Variants in SLIT2 observed in about 807,000 individuals in gnomAD.
The protein encoded by SLIT2 is slit guidance ligand 2.
In SLIT2, 41 loss-of-function variants were observed where a neutral mutation model predicts 185.7. The ratio of observed to expected loss-of-function variants is 0.22; its 90% CI spans 0.17 to 0.29. The LOEUF is 0.29. SLIT2 is among the 10% of genes least tolerant of loss of function. SLIT2 has a pLI of 1.00. For synonymous variants in SLIT2, 693 were observed against 680.2 expected, an observed-to-expected ratio of 1.02 and a Z score of -0.29; for missense variants, 1,571 against 1,909.0, an observed-to-expected ratio of 0.82 and a Z score of 3.30.
intron 4 of SLIT2, among the ~76,000 whole-genome samples, chr4:20,390,904 C>T (rs1238075527): frequency 1.3e-5 from 2 of 151,708 alleles, no homozygotes; most frequent in Non-Finnish European, 2.9e-5. Context: ...TTTGAAAGTT[C>T]ATGATTACTT....
At chr4:20,430,285 A>T (rs566986590) in intron 4 of SLIT2, among the ~76,000 whole-genome samples, 9 of 152,294 alleles carry the variant, frequency 5.9e-5, no homozygotes, top group Non-Finnish European at 1.2e-4. Flanking sequence ...AGCTATGTGA[A>T]TTTGGTCCTA....
At chr4:20,407,623 A>G (rs1422961420) in intron 4 of SLIT2, among the ~76,000 whole-genome samples, 4 of 152,198 alleles carry the variant, frequency 2.6e-5, no homozygotes, top group South Asian at 2.1e-4. Flanking sequence ...AGCAAACTCA[A>G]TTGGCAGGAA....
rs148836744 is a variant in SLIT2, at chr4:20,257,503, T to C, written c.252-365T>C. Among the ~76,000 whole-genome samples the C allele has an allele frequency of 3.5e-4, 53 of 152,168 alleles. 1 individual carries two copies. The East Asian group carries it at 0.01, about 29-fold the overall frequency. ...GTATCCATGTCAGAATTGAAGTATGTATATGATGAATTACTGTATTTTGAT... is the reference window on the plus strand; with the variant it reads ...GTATCCATGTCAGAATTGAAGTATGCATATGATGAATTACTGTATTTTGAT... On this transcript the variant is annotated intron_variant, in intron 2 of 36. Coordinates refer to ENST00000504154, the MANE Select transcript of SLIT2 (RefSeq NM_004787.4).
intron 4 of SLIT2, among the ~76,000 whole-genome samples, chr4:20,341,450 AT>A (rs906255524): frequency 2.0e-5 from 3 of 152,216 alleles, no homozygotes; most frequent in African/African-American, 7.2e-5. Context: ...CTTCAAGGGC[AT>A]TTTAAATAGA....
rs1189145945 is a variant in SLIT2, at chr4:20,351,877, T to G, written c.395+82996T>G. Reference sequence around the variant, plus strand: ...CTATAAATGACAATGCAGTTTGTGTTTTGATGATTGTCTCTCTGATGGGGG... The same window carrying G: ...CTATAAATGACAATGCAGTTTGTGTGTTGATGATTGTCTCTCTGATGGGGG... On this transcript the variant is annotated intron_variant, in intron 4 of 36. Transcript: ENST00000504154. Among the ~76,000 whole-genome samples, 3 of 152,206 alleles carry G rather than the reference T, an allele frequency of 2.0e-5. No homozygotes were observed. In the East Asian group the frequency reaches 5.8e-4, roughly 29 times the overall value.
At chr4:20,317,287 A>G (rs1346046889) in intron 4 of SLIT2, among the ~76,000 whole-genome samples, 1 of 151,688 alleles carries the variant, frequency 6.6e-6, no homozygotes, top group Non-Finnish European at 1.5e-5. Flanking sequence ...TGTTGAACTC[A>G]TATTTGTTAA....
intron 4 of SLIT2, among the ~76,000 whole-genome samples, chr4:20,422,917 T>G (rs974144266): frequency 6.6e-6 from 1 of 151,970 alleles, no homozygotes; most frequent in African/African-American, 2.4e-5. Context: ...CTTTAGCCAC[T>G]CTATTTAAAA....
chr4:20,360,787 TA>T (rs1351343142), intron 4 of SLIT2, among the ~76,000 whole-genome samples: 68 of 152,250 alleles, frequency 4.5e-4, no homozygotes, highest in Non-Finnish European at 5.9e-5. Flanking sequence ...TGTAAGAGAT[TA>T]TTTTTTAAAA....
Position 20,345,053 on chromosome 4 carries a change from ATAAGT to A in SLIT2, c.395+76175_395+76179del, listed in dbSNP as rs531049063. Among the ~76,000 whole-genome samples the A allele has an allele frequency of 7.2e-5, 11 of 152,240 alleles. No homozygotes were observed. In the South Asian group the frequency reaches 2.3e-3, roughly 32 times the overall value. On this transcript the variant is annotated intron_variant, in intron 4 of 36. Transcript: ENST00000504154. ...CCATTAATTATTGATAGTAAAATAC[ATAAGT>A]TATGTGGATAGAATTAAACTAATAT...
intron 29 of SLIT2, among the ~76,000 whole-genome samples, chr4:20,575,596 TC>T (rs2148926447): frequency 6.6e-6 from 1 of 152,292 alleles, no homozygotes; most frequent in Non-Finnish European, 1.5e-5. Context: ...CTGGAGCCTG[TC>T]CCTTCTGCCT....
rs1320121564 is a variant in SLIT2, at chr4:20,528,429, T to C, written c.1463-520T>C. On this transcript the variant is annotated intron_variant, in intron 15 of 36. Transcript: ENST00000504154. The surrounding 1 kb of genome is among the most constrained non-coding windows in gnomAD (Gnocchi z 4.2). ...CTTAAATCAGGATTTTCCTGTCTCTTTCTACAAAATCAAAATGAAAAAAGA... is the reference window on the plus strand; with the variant it reads ...CTTAAATCAGGATTTTCCTGTCTCTCTCTACAAAATCAAAATGAAAAAAGA... The C allele has an allele frequency of 2.0e-6, 1 of 496,596 alleles. No individual in the cohort carries two copies. The highest frequency in any genetic ancestry group is 1.5e-5 in the South Asian group (1 of 66,796). 30.8% of individuals were successfully genotyped at this position (496,596 alleles called of 1,614,324 possible).
At position 20,271,167 on chromosome 4, in the gene SLIT2, A is replaced by G. The variant is rs577682860; in HGVS notation, c.395+2286A>G. On this transcript the variant is annotated intron_variant, in intron 4 of 36. Transcript: ENST00000504154. ...CAGATGGGAAAATGTGCACAAACCT[A>G]TATGCACAACATCCTTTATAATGCT... 2.0e-5 allele frequency among the ~76,000 whole-genome samples: 3 copies of G among 151,974 alleles called. No individual in the cohort carries two copies. The South Asian group carries it at 6.2e-4, about 31-fold the overall frequency.
At chr4:20,276,151 A>G (rs1714149072) in intron 4 of SLIT2, among the ~76,000 whole-genome samples, 1 of 152,160 alleles carries the variant, frequency 6.6e-6, no homozygotes, top group Admixed American at 6.5e-5. Context: ...TCCAGTAAAA[A>G]TTGCAAATCT....
chr4:20,566,461 A>AATAAGT (rs1165849463), intron 26 of SLIT2, among the ~76,000 whole-genome samples: 8 of 152,084 alleles, frequency 5.3e-5, no homozygotes, highest in Non-Finnish European at 8.8e-5. Flanking sequence ...TCATTTGTCC[A>AATAAGT]ATAAGTATTT....
chr4:20,519,345 G>A, intron 11 of SLIT2, 37 bp from the exon 12 acceptor site: 2 of 1,001,280 alleles, frequency 2.0e-6, no homozygotes, highest in East Asian at 2.4e-5. Context: ...ATGCAGGTTT[G>A]GTGTCTAATT....
At position 20,567,679 on chromosome 4, in the gene SLIT2, T is replaced by TA. The variant is rs1433598043; in HGVS notation, c.2948+65dup. Reference sequence around the variant, plus strand: ...TGGAGCAAAGATAACTAAGCCAACATACATTTTCCTTTTCAAATCAAAGGA... The same window carrying TA: ...TGGAGCAAAGATAACTAAGCCAACATAACATTTTCCTTTTCAAATCAAAGGA... On this transcript the variant is annotated intron_variant, in intron 28 of 36. Transcript: ENST00000504154. 3 of 1,246,140 alleles carry TA rather than the reference T, an allele frequency of 2.4e-6. No homozygotes were observed. In the Admixed American group the frequency reaches 5.2e-5, roughly 22 times the overall value. The allele number at this position is 1,246,140 out of a possible 1,614,324, so 77.2% of individuals were successfully genotyped here.
intron 11 of SLIT2, among the ~76,000 whole-genome samples, chr4:20,513,734 GT>G: frequency 6.6e-6 from 1 of 151,270 alleles, no homozygotes. Context: ...GATAGCTGTG[GT>G]TGGCGGGGGG....
intron 4 of SLIT2, among the ~76,000 whole-genome samples, chr4:20,453,129 T>C (rs1712664137): frequency 6.6e-6 from 1 of 152,194 alleles, no homozygotes; most frequent in African/African-American, 2.4e-5. Flanking sequence ...AATATGACTT[T>C]TTGCATTCAG....
At chr4:20,511,591 T>TTTTTTTTTTTTTTTA (rs1325881596) in intron 11 of SLIT2, among the ~76,000 whole-genome samples, 2 of 132,708 alleles carry the variant, frequency 1.5e-5, no homozygotes, top group South Asian at 5.1e-4. Context: ...CAGCTAATTT[T>TTTTTTTTTTTTTTTA]TTTTTTTTTT....
Sources: gnomAD v4.1 joint callset for allele counts (sites outside exome capture counted in the v4.1 genomes callset) on GRCh38, gnomAD v4.1.1 for gene constraint, Gnocchi (gnomAD v3.1) non-coding constraint, MANE v1.5 for transcripts, NCBI Gene and HGNC (gene_info 2026-07-23, HGNC 2026-07-21) for gene names.